GBE1: variants seen among roughly 807,000 people sequenced by gnomAD.
The protein encoded by GBE1 is 1,4-alpha-glucan-branching enzyme.
GBE1 carries 70 observed loss-of-function variants against 88.8 expected under a neutral mutation model. The observed-to-expected ratio is 0.79, with a 90% CI of 0.65 to 0.96. The LOEUF is 0.96. GBE1 is among the 40% of genes least tolerant of loss of function. GBE1 has a pLI of 0.00. For synonymous variants in GBE1, 284 were observed against 300.1 expected (o/e 0.95, Z 0.56); for missense variants, 872 against 871.0 (o/e 1.00, Z -0.01).
chr3:81,579,811 C>G (rs1305573428), intron 11 of GBE1, among the ~76,000 whole-genome samples: 1 of 152,078 alleles, frequency 6.6e-6, no homozygotes, highest in Non-Finnish European at 1.5e-5. Context: ...TTGGAAGATG[C>G]AAAATTTAAC....
intron 11 of GBE1, 30 bp from the exon 12 acceptor site, chr3:81,578,126 G>GAA (rs11376242): frequency 1.5e-4 from 204 of 1,398,922 alleles, no homozygotes; most frequent in African/African-American, 4.8e-4. Context: ...GGAGATAAAT[G>GAA]AAAAAAAAAA....
chr3:81,706,592 T>C (rs935908517), intron 1 of GBE1, among the ~76,000 whole-genome samples: 1 of 152,144 alleles, frequency 6.6e-6, no homozygotes, highest in African/African-American at 2.4e-5. Flanking sequence ...GGGTAAGGAA[T>C]CTTTCCCAGA....
chr3:81,649,882 T>G lies in GBE1; in HGVS notation c.469A>C (p.Ile157Leu), dbSNP rs770004880. The G allele has an allele frequency of 6.2e-7, 1 of 1,610,620 alleles. No homozygotes were observed. The highest frequency in any genetic ancestry group is 1.1e-5 in the South Asian group (1 of 90,908). ...TSKSGEILYR[I>L]SPWAKYVVRE... ...ACCACATACTTTGCCCACGGTGAAA[T>G]ACGATACAAGATCTCTCCGCTTTTA... Residue 157 changes from isoleucine to leucine, a missense_variant, in exon 4 of 16, where the codon ATT becomes CTT. Physicochemically the swap from Ile to Leu is conservative, Grantham distance 5 (BLOSUM62 2). Transcript: ENST00000429644.
At chr3:81,518,523 TCCCTAA>T (rs1702828684) in intron 14 of GBE1, among the ~76,000 whole-genome samples, 1 of 151,418 alleles carries the variant, frequency 6.6e-6, no homozygotes, top group Non-Finnish European at 1.5e-5. Context: ...TGGTGATTCA[TCCCTAA>T]TTCCTGGGTA....
chr3:81,546,393 T>C (rs1703205385), intron 12 of GBE1, among the ~76,000 whole-genome samples: 2 of 152,166 alleles, frequency 1.3e-5, no homozygotes, highest in Admixed American at 1.3e-4. Flanking sequence ...CAGGGGTGTC[T>C]GAACCACAGC....
intron 13 of GBE1, among the ~76,000 whole-genome samples, chr3:81,536,053 G>C (rs1703069317): frequency 6.6e-6 from 1 of 151,960 alleles, no homozygotes; most frequent in East Asian, 1.9e-4. Flanking sequence ...TACAGCTCTA[G>C]AGTAAACAGG....
At chr3:81,573,573 C>T (rs1703603741) in intron 12 of GBE1, among the ~76,000 whole-genome samples, 1 of 152,196 alleles carries the variant, frequency 6.6e-6, no homozygotes, top group South Asian at 2.1e-4. Context: ...TTTTTCATCT[C>T]TGAATACATA....
chr3:81,570,263 A>T (rs1703555649), intron 12 of GBE1, among the ~76,000 whole-genome samples: 1 of 152,226 alleles, frequency 6.6e-6, no homozygotes, highest in Non-Finnish European at 1.5e-5. Flanking sequence ...TGCAGTTGAC[A>T]TATTTTACAG....
Position 81,748,488 on chromosome 3 carries a change from G to A in GBE1, c.143+12887C>T, listed in dbSNP as rs139949991. 4.1e-3 allele frequency among the ~76,000 whole-genome samples: 617 copies of A among 151,876 alleles called. 8 individuals carry two copies. Among genetic ancestry groups the A allele is most frequent in the Middle Eastern group, 0.014 (4 of 290 alleles). ...TAGCCGGGTGTGGTGGCGGGCGCCT[G>A]TAGTCCCAGCTACTCGGGAGACTGG... On this transcript the variant is annotated intron_variant, in intron 1 of 15. Transcript: ENST00000429644.
intron 12 of GBE1, among the ~76,000 whole-genome samples, chr3:81,566,622 T>C (rs959929358): frequency 2.6e-5 from 4 of 152,168 alleles, no homozygotes; most frequent in Non-Finnish European, 5.9e-5. Context: ...CCTAGAGATG[T>C]CTATCTCATA....
At chr3:81,604,779 AG>A (rs1161010889) in intron 7 of GBE1, among the ~76,000 whole-genome samples, 1 of 128,762 alleles carries the variant, frequency 7.8e-6, no homozygotes, top group Non-Finnish European at 1.8e-5. Context: ...GGAAAACTTA[AG>A]TAAGAAATTA....
At chr3:81,617,157 A>G (rs1478561282) in intron 7 of GBE1, among the ~76,000 whole-genome samples, 2 of 151,888 alleles carry the variant, frequency 1.3e-5, no homozygotes, top group Non-Finnish European at 2.9e-5. Flanking sequence ...AATCATGTCA[A>G]CCACAAAGAG....
At chr3:81,722,924 G>C (rs1003512167) in intron 1 of GBE1, among the ~76,000 whole-genome samples, 9 of 129,688 alleles carry the variant, frequency 6.9e-5, no homozygotes, top group Non-Finnish European at 1.4e-4. Context: ...ATACACACAA[G>C]TAAATATATA....
rs562336321 is a variant in GBE1, at chr3:81,605,154, C to CA, written c.993-11132dup. On this transcript the variant is annotated intron_variant, in intron 7 of 15. Coordinates refer to ENST00000429644, the MANE Select transcript of GBE1 (RefSeq NM_000158.4). ...GGTGATGACAACAAAAGGAAGAAAC[C>CA]AAAAAAACATCAATATCCTTAAGGA... is the stretch of plus-strand genomic sequence containing the variant. 4.6e-3 allele frequency among the ~76,000 whole-genome samples: 704 copies of CA among 151,908 alleles called. 15 individuals are homozygous for CA. The highest frequency in any genetic ancestry group is 0.016 in the African/African-American group (667 of 41,464).
intron 2 of GBE1, among the ~76,000 whole-genome samples, chr3:81,686,480 G>A (rs1376507190): frequency 1.3e-5 from 2 of 152,002 alleles, no homozygotes; most frequent in Non-Finnish European, 2.9e-5. Context: ...ACACTGGCCG[G>A]GCGCAGTGAC....
At chr3:81,583,830 CTTGAGTATA>C (rs556626361) in intron 10 of GBE1, among the ~76,000 whole-genome samples, 283 of 152,050 alleles carry the variant, frequency 1.9e-3, no homozygotes, top group African/African-American at 6.5e-3. Flanking sequence ...TGTTTTGCAC[CTTGAGTATA>C]TCAATGTGAG....
intron 12 of GBE1, among the ~76,000 whole-genome samples, chr3:81,561,536 C>T (rs1180456015): frequency 2.0e-5 from 3 of 151,760 alleles, no homozygotes; most frequent in Admixed American, 6.6e-5. Context: ...TCCAGAGTGG[C>T]GGTATATAAA....
At chr3:81,623,536 T>C (rs1329568003) in intron 7 of GBE1, among the ~76,000 whole-genome samples, 1 of 152,228 alleles carries the variant, frequency 6.6e-6, no homozygotes, top group Non-Finnish European at 1.5e-5. Flanking sequence ...GGTTGGTGTC[T>C]TATCTGTTTT....
chr3:81,561,876 T>G lies in GBE1; in HGVS notation c.1618+16049A>C, dbSNP rs369795344. Among the ~76,000 whole-genome samples the G allele has an allele frequency of 7.2e-5, 11 of 152,204 alleles. No homozygotes were observed. The East Asian group carries it at 1.2e-3, about 16-fold the overall frequency. ...GTAGCCACCATTCCAGTGATGGGAC[T>G]ACACAGAGGATCAGCATGGAGGTGA... On this transcript the variant is annotated intron_variant, in intron 12 of 15. Coordinates refer to ENST00000429644, the MANE Select transcript of GBE1 (RefSeq NM_000158.4).
Sources: gnomAD v4.1 joint callset for allele counts (sites outside exome capture counted in the v4.1 genomes callset) on GRCh38, gnomAD v4.1.1 for gene constraint, MANE v1.5 for transcripts, NCBI Gene and HGNC (gene_info 2026-07-23, HGNC 2026-07-21) for gene names.